Variants in UBA1 observed in about 807,000 individuals in gnomAD.
The protein encoded by UBA1 is ubiquitin like modifier activating enzyme 1.
A neutral mutation model predicts 84.7 loss-of-function variants in UBA1; 4 were observed. That is an observed-to-expected ratio of 0.05 (90% CI 0.02 to 0.11). UBA1 has a LOEUF of 0.11. UBA1 is among the 10% of genes least tolerant of loss of function. The pLI is 1.00. For missense variants in UBA1, 513 were observed against 902.8 expected (o/e 0.57, Z 5.53); for synonymous variants, 364 against 362.6 (o/e 1.00, Z -0.04).
rs781929195 is a variant in UBA1, at chrX:47,214,330, T to G, written c.2842T>G (p.Tyr948Asp). ...EPLAAPRHQYYNQEWTLWDRF... is the reference protein window; with the variant it reads ...EPLAAPRHQYDNQEWTLWDRF... ...CACTCCCCTCTTTGTCTTGCAGTAC[T>G]ATAACCAAGAGTGGACATTGTGGGA... is the stretch of plus-strand genomic sequence containing the variant. The change falls in exon 24 of 26, where the codon TAT becomes GAT. Residue 948 changes from tyrosine to aspartate, a missense_variant. This residue lies in a region of UBA1 where 151 missense variants were observed against 260.1 expected (regional missense o/e 0.58). Coordinates refer to ENST00000335972, the MANE Select transcript of UBA1 (RefSeq NM_003334.4). The G allele has an allele frequency of 1.7e-5, 21 of 1,207,940 alleles. No homozygotes were observed. In the African/African-American group the frequency reaches 3.2e-4, roughly 18 times the overall value.
At position 47,214,983 on chromosome X, in the gene UBA1, C is replaced by A; in HGVS notation, c.*54C>A. The A allele has an allele frequency of 8.3e-7, 1 of 1,202,644 alleles. No homozygotes were observed. Among genetic ancestry groups the A allele is most frequent in the South Asian group, 1.8e-5 (1 of 56,798 alleles). ...TGTCCACCCCTCTCCACACCCCTTCCAGCCCAGGGTTCCCATTTGGCTTCT... is the reference window on the plus strand; with the variant it reads ...TGTCCACCCCTCTCCACACCCCTTCAAGCCCAGGGTTCCCATTTGGCTTCT... On this transcript the variant is annotated 3_prime_UTR_variant, in exon 26 of 26. Coordinates refer to ENST00000335972, the MANE Select transcript of UBA1 (RefSeq NM_003334.4).
Position 47,202,143 on chromosome X carries a change from C to T in UBA1, c.812-13C>T. 1 of 1,194,153 alleles carries T rather than the reference C, an allele frequency of 8.4e-7. No homozygotes were observed. The highest frequency in any genetic ancestry group is 3.0e-5 in the East Asian group (1 of 33,658). Reference sequence around the variant, plus strand: ...AATGGGTAGACTGACAGCTCTCTTCCTGCCCTCTGTAGGTCCTTATACCTT... The same window carrying T: ...AATGGGTAGACTGACAGCTCTCTTCTTGCCCTCTGTAGGTCCTTATACCTT... On this transcript the variant is annotated splice_polypyrimidine_tract_variant and intron_variant, in intron 8 of 25. Transcript: ENST00000335972.
Position 47,203,905 on chromosome X carries a change from C to T in UBA1, c.1575+209C>T, listed in dbSNP as rs782316133. ...CTGGGACTACAGGCATGCGCCACCA[C>T]GCCCGGCTGATTTTGCATTTTAAGT... On this transcript the variant is annotated intron_variant, in intron 14 of 25. Coordinates refer to ENST00000335972, the MANE Select transcript of UBA1 (RefSeq NM_003334.4). Among the ~76,000 whole-genome samples the T allele has an allele frequency of 5.5e-5, 6 of 108,953 alleles. No individual in the cohort carries two copies. The East Asian group carries it at 1.4e-3, about 26-fold the overall frequency. The allele number at this position is 108,953 out of a possible 115,157, so 94.6% of individuals were successfully genotyped here.
intron 14 of UBA1, 169 bp from the exon 15 acceptor site, chrX:47,205,779 G>A: frequency 3.6e-6 from 2 of 554,910 alleles, no homozygotes; most frequent in Middle Eastern, 7.6e-4. Context: ...GCTGGAGCCT[G>A]GGAAGTTGAG....
intron 20 of UBA1, among the ~76,000 whole-genome samples, chrX:47,211,554 TCC>T (rs781971332): frequency 2.6e-4 from 29 of 111,017 alleles, no homozygotes; most frequent in Non-Finnish European, 5.1e-4. Context: ...GCAGTCTCTC[TCC>T]CTTGATACTT....
chrX:47,212,764 A>G lies in UBA1; in HGVS notation c.2554-7A>G. ...CACTGCCTTCACACCCTCCCCACTCATAACAGGATGATGACAGCAACTTTC... is the reference window on the plus strand; with the variant it reads ...CACTGCCTTCACACCCTCCCCACTCGTAACAGGATGATGACAGCAACTTTC... On this transcript the variant is annotated splice_polypyrimidine_tract_variant and splice_region_variant and intron_variant, in intron 21 of 25. Transcript: ENST00000335972. The G allele has an allele frequency of 8.3e-7, 1 of 1,208,987 alleles. No individual in the cohort carries two copies. Among genetic ancestry groups the G allele is most frequent in the African/African-American group, 1.7e-5 (1 of 57,652 alleles).
At chrX:47,209,588 T>G in intron 16 of UBA1, 35 bp from the exon 17 acceptor site, 1 of 1,193,859 alleles carries the variant, frequency 8.4e-7, no homozygotes, top group Non-Finnish European at 1.1e-6. Context: ...TTTTGTCAAC[T>G]GTGGCCACAT....
At chrX:47,214,277 TGGACCCTCTG>T (rs781859832) in intron 23 of UBA1, 40 bp from the exon 24 acceptor site, 1 of 1,115,658 alleles carries the variant, frequency 9.0e-7, no homozygotes, top group Non-Finnish European at 1.2e-6. Context: ...AGATGGGGGC[TGGACCCTCTG>T]GGATGGTCTC....
intron 4 of UBA1, 36 bp from the exon 5 acceptor site, chrX:47,199,444 C>T (rs1556786790): frequency 3.3e-6 from 4 of 1,210,275 alleles, no homozygotes; most frequent in Non-Finnish European, 4.5e-6. Flanking sequence ...GGTGCCACAG[C>T]CATTTCATCT....
chrX:47,201,848 G>A (rs1362817327), intron 8 of UBA1, among the ~76,000 whole-genome samples: 1 of 111,746 alleles, frequency 8.9e-6, no homozygotes, highest in Non-Finnish European at 1.9e-5. Flanking sequence ...TGAGCTGAGT[G>A]GGGAAAAAGT....
At chrX:47,205,576 G>A in intron 14 of UBA1, 1 of 352,830 alleles carries the variant, frequency 2.8e-6, no homozygotes, top group Non-Finnish European at 5.6e-6. Flanking sequence ...CTTTATAGGT[G>A]TTTGGGCCAG....
chrX:47,193,032 G>C (rs368664577), upstream of UBA1, among the ~76,000 whole-genome samples: 1 of 111,319 alleles, frequency 9.0e-6, no homozygotes. Context: ...GGGGAGGTGG[G>C]GGCAGGGAGT....
intron 20 of UBA1, 77 bp from the exon 21 acceptor site, chrX:47,212,347 C>G (rs1936961954): frequency 1.3e-6 from 1 of 760,886 alleles, no homozygotes; most frequent in East Asian, 3.3e-5. Context: ...ACCTTTTGCC[C>G]CACCCTGGGC....
intron 20 of UBA1, 80 bp from the exon 21 acceptor site, chrX:47,212,344 G>A: frequency 8.6e-6 from 6 of 700,718 alleles, no homozygotes; most frequent in Non-Finnish European, 1.4e-5. Flanking sequence ...AATACCTTTT[G>A]CCCCACCCTG....
chrX:47,200,984 A>G lies in UBA1; in HGVS notation c.571A>G (p.Thr191Ala), dbSNP rs1556787685. ...NRGIKLVVAD[T>A]RGLFGQLFCD... ...TGGCATCAAGCTGGTGGTGGCAGAC[A>G]CGCGGGGCCTGTTTGGGTGAGTGGC... The change falls in exon 6 of 26, where the codon ACG becomes GCG. Residue 191 changes from threonine (T) to alanine (A), a missense_variant. By Grantham distance (58) the Thr-to-Ala change is moderately conservative. Around this residue, in one of 6 missense-constraint regions of UBA1, gnomAD observed 227 missense variants for 339.1 expected, o/e 0.67. Transcript: ENST00000335972. The G allele has an allele frequency of 5.0e-6, 6 of 1,198,754 alleles. No homozygotes were observed. In the South Asian group the frequency reaches 1.1e-4, roughly 22 times the overall value.
At chrX:47,205,297 G>A in intron 14 of UBA1, 1 of 280,652 alleles carries the variant, frequency 3.6e-6, no homozygotes, top group Admixed American at 3.8e-5. Context: ...TTGTCTGTGT[G>A]CCAGCATCCT....
intron 14 of UBA1, among the ~76,000 whole-genome samples, chrX:47,204,095 C>T (rs1458759411): frequency 9.8e-6 from 1 of 102,055 alleles, no homozygotes; most frequent in Non-Finnish European, 2.0e-5. Flanking sequence ...CTTTCTGCCT[C>T]TGCCAGAAGC....
At chrX:47,198,367 T>C in intron 1 of UBA1, 1 of 873,434 alleles carries the variant, frequency 1.1e-6, no homozygotes, top group Non-Finnish European at 1.5e-6. Context: ...TAAGTGGTAT[T>C]ATCACCCCTG....
intron 17 of UBA1, 27 bp from the exon 18 acceptor site, chrX:47,209,901 T>C: frequency 8.3e-7 from 1 of 1,206,188 alleles, no homozygotes; most frequent in Non-Finnish European, 1.1e-6. Flanking sequence ...TGTAATCCTA[T>C]CCTCTGTCCT....
Sources: gnomAD v4.1 joint callset for allele counts (sites outside exome capture counted in the v4.1 genomes callset) on GRCh38, gnomAD v4.1.1 for gene constraint, gnomAD v4.1.1 regional missense constraint, MANE v1.5 for transcripts, NCBI Gene and HGNC (gene_info 2026-07-23, HGNC 2026-07-21) for gene names.